Variants in PTPRD observed in about 807,000 individuals in gnomAD.
PTPRD encodes protein tyrosine phosphatase receptor type D, also known as receptor-type tyrosine-protein phosphatase delta.
Under a neutral mutation model 214.5 loss-of-function variants are expected in PTPRD, and 34 were observed. That is an observed-to-expected ratio of 0.16 (90% CI 0.12 to 0.21). The LOEUF is 0.21. Ranked by LOEUF, PTPRD falls within the 10% of genes least tolerant of loss-of-function variation. The pLI is 1.00. For missense variants in PTPRD, 2,545 were observed against 2,398.7 expected, an observed-to-expected ratio of 1.06 and a Z score of -1.27; for synonymous variants, 1,128 against 845.7, an observed-to-expected ratio of 1.33 and a Z score of -5.79.
At chr9:9,971,564 T>C (rs577760687) in intron 4 of PTPRD, among the ~76,000 whole-genome samples, 1 of 152,348 alleles carries the variant, frequency 6.6e-6, no homozygotes, top group East Asian at 1.9e-4. Context: ...AGTTAGATTA[T>C]GGCATAGGAT....
chr9:10,558,125 A>G (rs1417492314), intron 2 of PTPRD, among the ~76,000 whole-genome samples: 1 of 152,178 alleles, frequency 6.6e-6, no homozygotes, highest in African/African-American at 2.4e-5. Context: ...CAAGGCTAAT[A>G]TGCTGAAAGA....
chr9:10,476,583 T>C (rs1375500648), intron 2 of PTPRD, among the ~76,000 whole-genome samples: 1 of 152,046 alleles, frequency 6.6e-6, no homozygotes, highest in African/African-American at 2.4e-5. Context: ...TTATAGATTC[T>C]ATGCTATTCC....
chr9:8,929,098 T>C (rs1271765894), intron 11 of PTPRD, among the ~76,000 whole-genome samples: 1 of 152,122 alleles, frequency 6.6e-6, no homozygotes, highest in Non-Finnish European at 1.5e-5. Context: ...GCTGAGACGA[T>C]GGGGTTTTCT....
chr9:9,288,676 A>G (rs2133979577), intron 9 of PTPRD, among the ~76,000 whole-genome samples: 1 of 152,032 alleles, frequency 6.6e-6, no homozygotes, highest in East Asian at 2.0e-4. Flanking sequence ...AGTTAAATAC[A>G]TGCTTTGTTT....
At chr9:10,290,970 T>A (rs1224851613) in intron 3 of PTPRD, among the ~76,000 whole-genome samples, 6 of 151,904 alleles carry the variant, frequency 3.9e-5, no homozygotes, top group Non-Finnish European at 8.8e-5. Context: ...TATTGACCCA[T>A]CTAACAGTCT....
At chr9:10,147,000 G>T (rs1408362475) in intron 3 of PTPRD, among the ~76,000 whole-genome samples, 1 of 149,296 alleles carries the variant, frequency 6.7e-6, no homozygotes, top group African/African-American at 2.4e-5. Flanking sequence ...GAAAATAAAT[G>T]CCTGGGCACA....
At chr9:10,608,624 G>T (rs2080116219) in intron 2 of PTPRD, among the ~76,000 whole-genome samples, 1 of 152,168 alleles carries the variant, frequency 6.6e-6, no homozygotes, top group African/African-American at 2.4e-5. Flanking sequence ...CTTTCAAATT[G>T]CTAAGCCAAT....
At chr9:9,879,174 T>A (rs549852797) in intron 5 of PTPRD, among the ~76,000 whole-genome samples, 4 of 152,246 alleles carry the variant, frequency 2.6e-5, no homozygotes, top group African/African-American at 9.6e-5. Flanking sequence ...AGAGAAATTG[T>A]AATCAGTAGT....
At chr9:9,403,539 T>C (rs1015344196) in intron 8 of PTPRD, among the ~76,000 whole-genome samples, 5 of 151,988 alleles carry the variant, frequency 3.3e-5, no homozygotes, top group African/African-American at 4.8e-5. Flanking sequence ...AATGACTCTA[T>C]TTCATTTCTC....
intron 5 of PTPRD, among the ~76,000 whole-genome samples, chr9:9,827,082 G>A (rs550948602): frequency 2.6e-5 from 4 of 152,104 alleles, no homozygotes; most frequent in Admixed American, 1.3e-4. Context: ...TACTGCCCAA[G>A]GTAATTGACA....
chr9:10,609,601 G>A (rs957199057), intron 2 of PTPRD, among the ~76,000 whole-genome samples: 1 of 152,010 alleles, frequency 6.6e-6, no homozygotes, highest in Non-Finnish European at 1.5e-5. Flanking sequence ...AGAAAAATGT[G>A]CATTTGCAGA....
intron 8 of PTPRD, among the ~76,000 whole-genome samples, chr9:9,400,842 C>G (rs1195519076): frequency 3.9e-5 from 6 of 152,038 alleles, no homozygotes; most frequent in Non-Finnish European, 8.8e-5. Context: ...TCCTGAGAAC[C>G]TTTCAGATGC....
chr9:9,845,926 G>A (rs2059447379), intron 5 of PTPRD, among the ~76,000 whole-genome samples: 1 of 152,022 alleles, frequency 6.6e-6, no homozygotes, highest in Admixed American at 6.6e-5. Context: ...AGCAGAGAAG[G>A]AGCAGAGTAA....
chr9:10,174,026 G>T lies in PTPRD; in HGVS notation c.-544-140236C>A, dbSNP rs145159929. On this transcript the variant is annotated intron_variant, in intron 3 of 45. Coordinates refer to ENST00000381196, the MANE Select transcript of PTPRD (RefSeq NM_002839.4). ...CATATACAATTAAGTAATCTATTTA[G>T]AACTCTATGTCTGAGCAGTAATGAG... Among the ~76,000 whole-genome samples, 17 of 152,180 alleles carry T rather than the reference G, an allele frequency of 1.1e-4. No individual in the cohort carries two copies. The East Asian group carries it at 3.3e-3, about 29-fold the overall frequency.
intron 21 of PTPRD, among the ~76,000 whole-genome samples, chr9:8,515,442 C>T (rs2097766605): frequency 6.6e-6 from 1 of 152,144 alleles, no homozygotes; most frequent in Non-Finnish European, 1.5e-5. Flanking sequence ...TTTATTGCAT[C>T]CCACAAAAAT....
At chr9:8,901,964 T>C (rs574946831) in intron 11 of PTPRD, among the ~76,000 whole-genome samples, 94 of 152,364 alleles carry the variant, frequency 6.2e-4, no homozygotes, top group African/African-American at 2.2e-3. Flanking sequence ...TTAAATTCTC[T>C]GAATCTTAAT....
chr9:8,318,002 A>AAAAAT lies in PTPRD; in HGVS notation c.5671-65_5671-61dup, dbSNP rs1161361244. On this transcript the variant is annotated intron_variant, in intron 45 of 45. Transcript: ENST00000381196. ...AGGGACCATGAGCATATTTTAATAG[A>AAAAAT]AAAATAAAAATCAATATTGCATAAC... 18 of 1,506,274 alleles carry AAAAAT rather than the reference A, an allele frequency of 1.2e-5. No individual in the cohort carries two copies. In the African/African-American group the frequency reaches 2.1e-4, roughly 18 times the overall value. 93.3% of individuals were successfully genotyped at this position (1,506,274 alleles called of 1,614,324 possible).
In PTPRD at chr9:8,633,306, T is replaced by G. The variant is rs1266125402; in HGVS notation, c.352+11A>C. 1 of 1,609,430 alleles carries G rather than the reference T, an allele frequency of 6.2e-7. No homozygotes were observed. Among genetic ancestry groups the G allele is most frequent in the East Asian group, 2.2e-5 (1 of 44,816 alleles). On this transcript the variant is annotated intron_variant, in intron 14 of 45. Coordinates refer to ENST00000381196, the MANE Select transcript of PTPRD (RefSeq NM_002839.4). ...AATGACACAAACGACAACCTTCACT[T>G]GAGCACTTACCCCGCAAAACTGTGA... is the stretch of plus-strand genomic sequence containing the variant.
intron 8 of PTPRD, among the ~76,000 whole-genome samples, chr9:9,549,404 C>T (rs114212810): frequency 0.014 from 2,144 of 151,976 alleles, 54 homozygotes; most frequent in African/African-American, 0.049. Flanking sequence ...ATCCAAATAG[C>T]CAATAAACTC....
Sources: allele counts gnomAD v4.1 joint callset (sites outside exome capture counted in the v4.1 genomes callset), GRCh38; gene constraint gnomAD v4.1.1; transcripts MANE v1.5; gene names NCBI Gene and HGNC (gene_info 2026-07-23, HGNC 2026-07-21).